The following SEC61A1 variants were observed in gnomAD, a reference collection of about 807,000 sequenced individuals.
SEC61A1 encodes SEC61 translocon subunit alpha 1.
In SEC61A1, 15 loss-of-function variants were observed where a neutral mutation model predicts 55.2. The observed-to-expected ratio is 0.27, with a 90% CI of 0.18 to 0.42. SEC61A1 has a LOEUF of 0.42. SEC61A1 is among the 10% of genes least tolerant of loss of function. SEC61A1 has a pLI of 1.00. For synonymous variants in SEC61A1, 247 were observed against 234.0 expected, an observed-to-expected ratio of 1.06 and a Z score of -0.51; for missense variants, 284 against 602.6, an observed-to-expected ratio of 0.47 and a Z score of 5.53.
At chr3:128,061,058 A>T (rs569472558) in intron 7 of SEC61A1, among the ~76,000 whole-genome samples, 1 of 152,324 alleles carries the variant, frequency 6.6e-6, no homozygotes, top group Admixed American at 6.5e-5. Context: ...CTCTCAGTGA[A>T]TAAGTTTCTA....
chr3:128,064,157 A>C (rs1941895572), intron 7 of SEC61A1, among the ~76,000 whole-genome samples: 2 of 152,200 alleles, frequency 1.3e-5, no homozygotes, highest in African/African-American at 4.8e-5. Context: ...TAGCTGTTGA[A>C]TGGGTACTTG....
At position 128,067,165 on chromosome 3, in the gene SEC61A1, T is replaced by C; in HGVS notation, c.975+14T>C. On this transcript the variant is annotated intron_variant, in intron 9 of 11. Transcript: ENST00000243253. The surrounding 1 kb of genome is among the most constrained non-coding windows in gnomAD (Gnocchi z 4.1). ...GGCACCTGGTCGGTAAGTAGGCTCT[T>C]TGAAGATGAGCTAGCAATGCAGCTA... The C allele has an allele frequency of 5.0e-6, 8 of 1,612,954 alleles. No homozygotes were observed. Among genetic ancestry groups the C allele is most frequent in the Non-Finnish European group, 5.9e-6 (7 of 1,178,884 alleles).
chr3:128,061,417 A>C (rs529358339), intron 7 of SEC61A1, among the ~76,000 whole-genome samples: 5 of 152,364 alleles, frequency 3.3e-5, no homozygotes, highest in African/African-American at 1.2e-4. Flanking sequence ...GAAAGGAAAT[A>C]AACATTTTTT....
intron 8 of SEC61A1, 91 bp downstream of exon 8, chr3:128,065,128 C>T (rs1184385215): frequency 2.3e-6 from 3 of 1,306,948 alleles, no homozygotes; most frequent in Admixed American, 1.7e-5. Flanking sequence ...GTGGGGTGCA[C>T]TGTCATCATA....
Position 128,060,303 on chromosome 3 carries a change from TC to T in SEC61A1, c.462+94del, listed in dbSNP as rs1442443969. 13 of 1,128,246 alleles carry T rather than the reference TC, an allele frequency of 1.2e-5. No individual in the cohort carries two copies. In the African/African-American group the frequency reaches 2.0e-4, roughly 17 times the overall value. The allele number at this position is 1,128,246 out of a possible 1,614,324, so 69.9% of individuals were successfully genotyped here. A position where few individuals can be genotyped will look rare whatever the true frequency, so the allele number is the denominator to read the frequency against. Reference sequence around the variant, plus strand: ...AATCTCAAGCACACCTAAAAGGAACTCCTACTGAAAGGAAGCAGAAGCCTAA... The same window carrying T: ...AATCTCAAGCACACCTAAAAGGAACTCTACTGAAAGGAAGCAGAAGCCTAA... On this transcript the variant is annotated intron_variant, in intron 6 of 11. Coordinates refer to ENST00000243253, the MANE Select transcript of SEC61A1 (RefSeq NM_013336.4).
chr3:128,052,524 C>G lies in SEC61A1; in HGVS notation c.-29C>G, dbSNP rs1366618913. ...CACGCGGAGCAGAGCTGAGCTGAAG[C>G]GGGACCCGGAGCCCGAGCAGCCGCC... On this transcript the variant is annotated 5_prime_UTR_variant, in exon 1 of 12. Transcript: ENST00000243253. 2.5e-6 allele frequency: 4 copies of G among 1,593,636 alleles called. No homozygotes were observed. The African/African-American group carries it at 5.4e-5, about 21-fold the overall frequency.
chr3:128,058,658 C>T (rs937288193), intron 5 of SEC61A1, among the ~76,000 whole-genome samples: 5 of 152,044 alleles, frequency 3.3e-5, no homozygotes, highest in Admixed American at 2.0e-4. Flanking sequence ...GCCAGGAGTT[C>T]GTGACTAGCC....
chr3:128,069,456 G>A lies in SEC61A1; in HGVS notation c.1245-20G>A. 1 of 1,605,064 alleles carries A rather than the reference G, an allele frequency of 6.2e-7. No homozygotes were observed. ...GGAGCTCTGTGGGTGTCCAGGAGCT[G>A]ACTGTGTCCCCTCCCCCAGGTACAT... On this transcript the variant is annotated intron_variant, in intron 11 of 11. Transcript: ENST00000243253.
At chr3:128,066,745 C>T (rs993450644) in intron 8 of SEC61A1, 1 of 578,004 alleles carries the variant, frequency 1.7e-6, no homozygotes, top group African/African-American at 1.9e-5. Flanking sequence ...TTTAAACCAG[C>T]TTTTCTGGGC....
In SEC61A1 at chr3:128,069,749, T is replaced by C. The variant is rs1942100736; in HGVS notation, c.*87T>C. The C allele has an allele frequency of 9.3e-7, 1 of 1,071,380 alleles. No homozygotes were observed. The highest frequency in any genetic ancestry group is 1.6e-5 in the African/African-American group (1 of 63,006). The allele number at this position is 1,071,380 out of a possible 1,614,324, so 66.4% of individuals were successfully genotyped here. A position where few individuals can be genotyped will look rare whatever the true frequency, so the allele number is the denominator to read the frequency against. On this transcript the variant is annotated 3_prime_UTR_variant, in exon 12 of 12. Coordinates refer to ENST00000243253, the MANE Select transcript of SEC61A1 (RefSeq NM_013336.4). ...TCATGGCGCGTGCTGCTGCGGCATA[T>C]GGACTTTTAATAATGTTTTTGAATT... is the stretch of plus-strand genomic sequence containing the variant.
At chr3:128,064,320 T>C (rs1941898432) in intron 7 of SEC61A1, among the ~76,000 whole-genome samples, 1 of 152,100 alleles carries the variant, frequency 6.6e-6, no homozygotes, top group Non-Finnish European at 1.5e-5. Flanking sequence ...CTCATGTGCC[T>C]AAGAAATGAG....
intron 4 of SEC61A1, 91 bp downstream of exon 4, chr3:128,055,842 T>A: frequency 3.9e-6 from 4 of 1,021,326 alleles, no homozygotes; most frequent in Non-Finnish European, 6.0e-6. Flanking sequence ...TATATGGAAC[T>A]TAGAGAGTGA....
Position 128,056,703 on chromosome 3 carries a change from C to T in SEC61A1, c.221-6C>T. 6.5e-7 allele frequency: 1 copy of T among 1,545,676 alleles called. No individual in the cohort carries two copies. Among genetic ancestry groups the T allele is most frequent in the Non-Finnish European group, 8.7e-7 (1 of 1,144,748 alleles). ...ATTGACTGTTTTGCTTCCCCGTTTC[C>T]TCAAGGCACATTGATGGAGCTAGGG... is the stretch of plus-strand genomic sequence containing the variant. On this transcript the variant is annotated splice_region_variant and splice_polypyrimidine_tract_variant and intron_variant, in intron 4 of 11. Transcript: ENST00000243253.
chr3:128,055,398 CAG>C, intron 2 of SEC61A1, 116 bp from the exon 3 acceptor site: 4 of 818,226 alleles, frequency 4.9e-6, no homozygotes, highest in Non-Finnish European at 8.5e-6. Context: ...CTCTGCTGAA[CAG>C]AGAAAAGAGT....
At chr3:128,055,838 G>A in intron 4 of SEC61A1, 87 bp downstream of exon 4, 1 of 1,055,762 alleles carries the variant, frequency 9.5e-7, no homozygotes, top group Non-Finnish European at 1.4e-6. Context: ...GCTTTATATG[G>A]AACTTAGAGA....
Position 128,067,207 on chromosome 3 carries a change from A to G in SEC61A1, c.975+56A>G, listed in dbSNP as rs1427134841. 9.2e-6 allele frequency: 14 copies of G among 1,513,516 alleles called. No individual in the cohort carries two copies. In the Admixed American group the frequency reaches 1.5e-4, roughly 16 times the overall value. 93.8% of individuals were successfully genotyped at this position (1,513,516 alleles called of 1,614,324 possible). ...ATGCAGCTAAGTTGCAGTGGTTTCT[A>G]TCAGTGTCTTGCTCATGAACAGATA... On this transcript the variant is annotated intron_variant, in intron 9 of 11. Transcript: ENST00000243253. The surrounding 1 kb of genome is among the most constrained non-coding windows in gnomAD (Gnocchi z 4.1).
chr3:128,064,195 G>T (rs1366428530), intron 7 of SEC61A1, among the ~76,000 whole-genome samples: 3 of 152,246 alleles, frequency 2.0e-5, no homozygotes, highest in Non-Finnish European at 4.4e-5. Context: ...CAGGAAAGTA[G>T]ATTTGCCAGC....
At chr3:128,057,724 G>A (rs1252446618) in intron 5 of SEC61A1, among the ~76,000 whole-genome samples, 1 of 26 alleles carries the variant, frequency 0.038, no homozygotes, top group African/African-American at 0.25. Flanking sequence ...GCCAGGCGTG[G>A]TGACAAGGTG....
chr3:128,067,528 A>T lies in SEC61A1; in HGVS notation c.1083A>T (p.Ala361=), dbSNP rs1174150622. The change falls in exon 10 of 12, where the codon GCA becomes GCT. Residue 361 remains alanine (A), a synonymous_variant. Coordinates refer to ENST00000243253, the MANE Select transcript of SEC61A1 (RefSeq NM_013336.4). This position sits in a 1 kb window ranked among gnomAD's most constrained non-coding sequence, Gnocchi z 4.1. ...FGSVLEDPVH[A]VVYIVFMLGS... ...CCGTGTTAGAAGACCCGGTCCATGCAGTTGTATACATAGTGTTCATGCTGG... is the reference window on the plus strand; with the variant it reads ...CCGTGTTAGAAGACCCGGTCCATGCTGTTGTATACATAGTGTTCATGCTGG... The T allele has an allele frequency of 1.2e-6, 2 of 1,614,152 alleles. No individual in the cohort carries two copies. The highest frequency in any genetic ancestry group is 3.3e-5 in the Admixed American group (2 of 60,016).
Sources: gnomAD v4.1 joint callset for allele counts (sites outside exome capture counted in the v4.1 genomes callset) on GRCh38, gnomAD v4.1.1 for gene constraint, Gnocchi (gnomAD v3.1) non-coding constraint, MANE v1.5 for transcripts, NCBI Gene and HGNC (gene_info 2026-07-23, HGNC 2026-07-21) for gene names.